The following CSMD1 variants were observed in gnomAD, a reference collection of about 807,000 sequenced individuals.
The protein encoded by CSMD1 is CUB and sushi domain-containing protein 1.
A neutral mutation model predicts 417.5 loss-of-function variants in CSMD1; 213 were observed. The ratio of observed to expected loss-of-function variants is 0.51; its 90% CI spans 0.46 to 0.57. The LOEUF (loss-of-function observed/expected upper bound fraction) is 0.57, where lower values mean the gene tolerates loss of function less well. CSMD1 is among the 20% of genes least tolerant of loss of function. The pLI, the probability that CSMD1 is intolerant of heterozygous loss-of-function variation, is 0.00. For missense variants in CSMD1, 6,923 were observed against 4,529.7 expected, an observed-to-expected ratio of 1.53 and a Z score of -15.17; for synonymous variants, 2,862 against 1,736.8, an observed-to-expected ratio of 1.65 and a Z score of -16.11.
intron 40 of CSMD1, among the ~76,000 whole-genome samples, chr8:3,147,367 G>T (rs1403723384): frequency 6.6e-6 from 1 of 152,088 alleles, no homozygotes; most frequent in African/African-American, 2.4e-5. Context: ...AGTAATATTT[G>T]TAAGAATCTT....
At chr8:3,606,278 A>G (rs1466937440) in intron 8 of CSMD1, among the ~76,000 whole-genome samples, 1 of 152,086 alleles carries the variant, frequency 6.6e-6, no homozygotes, top group East Asian at 1.9e-4. Context: ...TGCGAACATC[A>G]CAGAGGGCCC....
intron 1 of CSMD1, among the ~76,000 whole-genome samples, chr8:4,934,445 T>C (rs1807463146): frequency 6.6e-6 from 1 of 152,176 alleles, no homozygotes; most frequent in African/African-American, 2.4e-5. Flanking sequence ...TGCAAACCTC[T>C]AGCTTGTATT....
Position 3,151,528 on chromosome 8 carries a change from A to T in CSMD1, c.5915-15T>A. The T allele has an allele frequency of 6.5e-7, 1 of 1,541,560 alleles. No homozygotes were observed. The highest frequency in any genetic ancestry group is 8.9e-7 in the Non-Finnish European group (1 of 1,117,986). On this transcript the variant is annotated splice_polypyrimidine_tract_variant and intron_variant, in intron 39 of 69. Coordinates refer to ENST00000635120, the MANE Select transcript of CSMD1 (RefSeq NM_033225.6). ...TCCACAGGTTGCTGTTAAGTGGACA[A>T]GATGTCAGTCCTGCAGGTCCTCACT...
At chr8:4,152,782 G>A (rs947270170) in intron 3 of CSMD1, among the ~76,000 whole-genome samples, 3 of 152,074 alleles carry the variant, frequency 2.0e-5, no homozygotes, top group Admixed American at 6.6e-5. Flanking sequence ...ATATATGCAT[G>A]CATTTTTATG....
rs571486367 is a variant in CSMD1 at position 3,529,204 on chromosome 8, G to C, written c.1345-35478C>G. Among the ~76,000 whole-genome samples, 12 of 152,286 alleles carry C rather than the reference G, an allele frequency of 7.9e-5. No homozygotes were observed. In the South Asian group the frequency reaches 2.3e-3, roughly 29 times the overall value. On this transcript the variant is annotated intron_variant, in intron 10 of 69. Coordinates refer to ENST00000635120, the MANE Select transcript of CSMD1 (RefSeq NM_033225.6). ...CTACTGTTTGAATCAGACTACCAAAGTCAAGAGTTGTGTTATTAAAATGCA... is the reference window on the plus strand; with the variant it reads ...CTACTGTTTGAATCAGACTACCAAACTCAAGAGTTGTGTTATTAAAATGCA...
chr8:4,754,427 G>A (rs977981041), intron 1 of CSMD1, among the ~76,000 whole-genome samples: 1 of 152,058 alleles, frequency 6.6e-6, no homozygotes, highest in Admixed American at 6.6e-5. Context: ...ATACAAATAA[G>A]TAGTAACTAA....
chr8:3,862,126 G>A (rs532843570), intron 5 of CSMD1, among the ~76,000 whole-genome samples: 3 of 151,832 alleles, frequency 2.0e-5, no homozygotes, highest in African/African-American at 7.3e-5. Context: ...TTTTTAATCT[G>A]CCCTGCTGTG....
rs562541049 is a variant in CSMD1 at position 3,712,594 on chromosome 8, T to G, written c.932-4103A>C. Among the ~76,000 whole-genome samples, 3 of 152,348 alleles carry G rather than the reference T, an allele frequency of 2.0e-5. No homozygotes were observed. In the South Asian group the frequency reaches 6.2e-4, roughly 32 times the overall value. On this transcript the variant is annotated intron_variant, in intron 6 of 69. Transcript: ENST00000635120. ...ATGAATGATAAAAATATTTCGTGATTGATGACAAAACATAGCTTTTGTGTC... is the reference window on the plus strand; with the variant it reads ...ATGAATGATAAAAATATTTCGTGATGGATGACAAAACATAGCTTTTGTGTC...
intron 37 of CSMD1, among the ~76,000 whole-genome samples, chr8:3,163,514 G>C (rs117511508): frequency 0.014 from 2,096 of 152,068 alleles, 31 homozygotes; most frequent in Middle Eastern, 0.062. Context: ...ACTGCCCATG[G>C]GCCGGTCCCC....
intron 12 of CSMD1, among the ~76,000 whole-genome samples, chr8:3,412,675 T>C (rs1043671686): frequency 1.3e-5 from 2 of 152,148 alleles, no homozygotes; most frequent in Non-Finnish European, 2.9e-5. Context: ...AGATGATCCT[T>C]ACAGAGTCAG....
chr8:4,715,364 G>A lies in CSMD1; in HGVS notation c.86-77806C>T, dbSNP rs149565245. Among the ~76,000 whole-genome samples the A allele has an allele frequency of 3.5e-3, 540 of 152,216 alleles. 3 individuals carry two copies. Among genetic ancestry groups the A allele is most frequent in the African/African-American group, 0.012 (519 of 41,528 alleles). On this transcript the variant is annotated intron_variant, in intron 1 of 69. Coordinates refer to ENST00000635120, the MANE Select transcript of CSMD1 (RefSeq NM_033225.6). ...TTACAAAGCAATGCTTCATCAAAGA[G>A]CAATATTAAAATTGAATATAATATA...
At chr8:4,500,532 T>C (rs1802208509) in intron 2 of CSMD1, among the ~76,000 whole-genome samples, 1 of 152,120 alleles carries the variant, frequency 6.6e-6, no homozygotes, top group Non-Finnish European at 1.5e-5. Flanking sequence ...TGAAGGAATC[T>C]ACAGAGTTTA....
At chr8:3,353,266 T>A (rs113075829) in intron 21 of CSMD1, among the ~76,000 whole-genome samples, 7 of 152,186 alleles carry the variant, frequency 4.6e-5, no homozygotes, top group African/African-American at 1.7e-4. Context: ...TGAAGAAACA[T>A]TGGTATACTT....
intron 2 of CSMD1, among the ~76,000 whole-genome samples, chr8:4,501,095 G>C (rs1317342501): frequency 1.3e-5 from 2 of 151,994 alleles, no homozygotes; most frequent in Non-Finnish European, 2.9e-5. Context: ...AAAATAAAAA[G>C]GGACAACCAT....
chr8:3,550,804 T>A (rs1798876944), intron 10 of CSMD1, among the ~76,000 whole-genome samples: 1 of 152,242 alleles, frequency 6.6e-6, no homozygotes, highest in South Asian at 2.1e-4. Context: ...GACAGGCACC[T>A]CGTGAATACT....
intron 1 of CSMD1, among the ~76,000 whole-genome samples, chr8:4,868,689 G>C (rs1802558906): frequency 6.6e-6 from 1 of 151,950 alleles, no homozygotes; most frequent in South Asian, 2.1e-4. Context: ...CTAACAGTAT[G>C]GTGTCTTGGT....
intron 2 of CSMD1, among the ~76,000 whole-genome samples, chr8:4,504,243 C>T (rs1176429499): frequency 6.6e-6 from 1 of 152,074 alleles, no homozygotes; most frequent in East Asian, 1.9e-4. Context: ...AGTCAAATAC[C>T]GTAGGATTCC....
chr8:3,396,622 C>A (rs1467239600), intron 16 of CSMD1, among the ~76,000 whole-genome samples: 2 of 152,078 alleles, frequency 1.3e-5, no homozygotes, highest in African/African-American at 2.4e-5. Flanking sequence ...ATTACAGACA[C>A]AAGAGGAGGC....
rs140589132 is a variant in CSMD1 at position 4,015,593 on chromosome 8, C to G, written c.610+16312G>C. 2.7e-5 allele frequency among the ~76,000 whole-genome samples: 4 copies of G among 148,750 alleles called. No homozygotes were observed. In the East Asian group the frequency reaches 5.9e-4, roughly 22 times the overall value. ...CTATGTTATTTAGTGGCATCTTGGC[C>G]CAATGACTATCATTCAGTCTCCAAG... On this transcript the variant is annotated intron_variant, in intron 4 of 69. Transcript: ENST00000635120.
Sources: allele counts gnomAD v4.1 joint callset (sites outside exome capture counted in the v4.1 genomes callset), GRCh38; gene constraint gnomAD v4.1.1; transcripts MANE v1.5; gene names NCBI Gene and HGNC (gene_info 2026-07-23, HGNC 2026-07-21).